SDCCAG8: variants seen among roughly 807,000 people sequenced by gnomAD.
SDCCAG8 encodes SHH signaling and ciliogenesis regulator SDCCAG8, also known as serologically defined colon cancer antigen 8.
SDCCAG8 carries 74 observed loss-of-function variants against 101.8 expected under a neutral mutation model. The observed-to-expected ratio is 0.73, with a 90% CI of 0.60 to 0.88. The LOEUF (loss-of-function observed/expected upper bound fraction) is 0.88, where lower values mean the gene tolerates loss of function less well. Among genes scored for constraint, SDCCAG8 ranks in the 40% least tolerant of loss-of-function variants. The pLI is 0.00. For synonymous variants in SDCCAG8, 281 were observed against 292.9 expected (o/e 0.96, Z 0.41); for missense variants, 787 against 822.6 (o/e 0.96, Z 0.53).
chr1:243,346,409 G>C (rs1414784924), intron 12 of SDCCAG8, among the ~76,000 whole-genome samples: 1 of 152,204 alleles, frequency 6.6e-6, no homozygotes, highest in Non-Finnish European at 1.5e-5. Context: ...CTATCTGTAG[G>C]TTTGCAAACA....
At chr1:243,321,213 A>G (rs1158271276) in intron 9 of SDCCAG8, among the ~76,000 whole-genome samples, 2 of 152,142 alleles carry the variant, frequency 1.3e-5, no homozygotes, top group East Asian at 3.9e-4. Context: ...TATAGCATTT[A>G]TCAAAATGTA....
chr1:243,413,363 G>A (rs1430575159), intron 13 of SDCCAG8, among the ~76,000 whole-genome samples: 2 of 151,984 alleles, frequency 1.3e-5, no homozygotes, highest in Non-Finnish European at 2.9e-5. Context: ...GCACCACCAC[G>A]CCCAGCTAAT....
chr1:243,381,315 C>T (rs1012158993), intron 13 of SDCCAG8, among the ~76,000 whole-genome samples: 22 of 152,064 alleles, frequency 1.4e-4, no homozygotes, highest in Admixed American at 1.1e-3. Flanking sequence ...AGAGGCCAGG[C>T]GCAGTGCTCA....
intron 17 of SDCCAG8, among the ~76,000 whole-genome samples, 172 bp downstream of exon 17, chr1:243,489,312 C>T (rs1285886394): frequency 6.6e-6 from 1 of 152,248 alleles, no homozygotes; most frequent in Non-Finnish European, 1.5e-5. Flanking sequence ...AGAAGCGGAG[C>T]CATGGGCCCG....
intron 12 of SDCCAG8, among the ~76,000 whole-genome samples, chr1:243,375,237 A>C (rs2077532265): frequency 6.6e-6 from 1 of 152,110 alleles, no homozygotes; most frequent in South Asian, 2.1e-4. Context: ...TCTTTTAAAA[A>C]TGTGAAGATA....
In SDCCAG8 at chr1:243,270,159, T is replaced by C. The variant is rs2067972241; in HGVS notation, c.122T>C (p.Val41Ala). ...ACATGTGCCCTGAAAGAAGGCGATG[T>C]CACTATTGGAGAAGATGCACCAAAT... ...QLTCALKEGD[V>A]TIGEDAPNLS... The change falls in exon 2 of 18, where the codon GTC becomes GCC. Residue 41 changes from valine to alanine, a missense_variant. Physicochemically the swap from Val to Ala is moderately conservative, Grantham distance 64 (BLOSUM62 0). Coordinates refer to ENST00000366541, the MANE Select transcript of SDCCAG8 (RefSeq NM_006642.5). The C allele has an allele frequency of 6.2e-7, 1 of 1,614,220 alleles. No individual in the cohort carries two copies. Among genetic ancestry groups the C allele is most frequent in the Admixed American group, 1.7e-5 (1 of 60,030 alleles).
chr1:243,296,781 C>T (rs2070965293), intron 6 of SDCCAG8, among the ~76,000 whole-genome samples: 1 of 151,824 alleles, frequency 6.6e-6, no homozygotes, highest in South Asian at 2.1e-4. Flanking sequence ...GATCCGCCCG[C>T]CTCGGCCTCC....
At chr1:243,279,517 G>C (rs773981586) in intron 4 of SDCCAG8, among the ~76,000 whole-genome samples, 3 of 152,104 alleles carry the variant, frequency 2.0e-5, no homozygotes, top group Non-Finnish European at 4.4e-5. Flanking sequence ...TTGAATTATG[G>C]TTTCTACTGA....
At chr1:243,447,833 A>C (rs2083050996) in intron 16 of SDCCAG8, among the ~76,000 whole-genome samples, 1 of 152,198 alleles carries the variant, frequency 6.6e-6, no homozygotes, top group South Asian at 2.1e-4. Context: ...CTTTACAAAG[A>C]AGGGTAAGGG....
At position 243,489,474 on chromosome 1, in the gene SDCCAG8, T is replaced by C. The variant is rs943205931; in HGVS notation, c.2112+334T>C. 4.0e-4 allele frequency among the ~76,000 whole-genome samples: 61 copies of C among 152,124 alleles called. 1 individual carries two copies. Among genetic ancestry groups the C allele is most frequent in the Admixed American group, 3.9e-3 (60 of 15,276 alleles). On this transcript the variant is annotated intron_variant, in intron 17 of 17. Coordinates refer to ENST00000366541, the MANE Select transcript of SDCCAG8 (RefSeq NM_006642.5). ...ACGGCCGTGGGCGGCAGAACAGGCT[T>C]TTTGGAGGATGGTGGCCTTGAGCTG...
At chr1:243,268,234 A>G (rs2067792204) in intron 1 of SDCCAG8, 1 of 413,312 alleles carries the variant, frequency 2.4e-6, no homozygotes, top group Non-Finnish European at 4.4e-6. Flanking sequence ...TTCAATAAAG[A>G]TAAGTGTTTT....
intron 1 of SDCCAG8, among the ~76,000 whole-genome samples, chr1:243,267,020 G>A (rs543294889): frequency 9.9e-5 from 15 of 151,872 alleles, no homozygotes; most frequent in Admixed American, 5.2e-4. Flanking sequence ...CGAGGCAGGC[G>A]GATCACAAAG....
At chr1:243,478,095 C>T (rs942487121) in intron 16 of SDCCAG8, among the ~76,000 whole-genome samples, 10 of 152,344 alleles carry the variant, frequency 6.6e-5, no homozygotes, top group Admixed American at 2.0e-4. Flanking sequence ...CCTCTTCTCC[C>T]GCCCCCAGGC....
At chr1:243,409,830 C>T (rs2080045792) in intron 13 of SDCCAG8, among the ~76,000 whole-genome samples, 1 of 152,008 alleles carries the variant, frequency 6.6e-6, no homozygotes, top group Admixed American at 6.6e-5. Context: ...TCTTATAATA[C>T]AATGTTAACT....
chr1:243,317,033 T>A, intron 9 of SDCCAG8, 140 bp downstream of exon 9: 1 of 902,732 alleles, frequency 1.1e-6, no homozygotes, highest in South Asian at 1.7e-5. Flanking sequence ...TAATGTTGAC[T>A]TTTCTGAATT....
At chr1:243,406,336 A>G (rs1469079689) in intron 13 of SDCCAG8, among the ~76,000 whole-genome samples, 4 of 152,182 alleles carry the variant, frequency 2.6e-5, no homozygotes, top group Non-Finnish European at 2.9e-5. Flanking sequence ...GCCCCATGCA[A>G]TCACTTAATG....
intron 17 of SDCCAG8, among the ~76,000 whole-genome samples, chr1:243,490,618 G>A (rs141266771): frequency 3.9e-5 from 6 of 152,352 alleles, no homozygotes; most frequent in East Asian, 1.9e-4. Flanking sequence ...CATGGTGCAC[G>A]CCTGGCTTCA....
At chr1:243,326,569 G>T (rs368637593) in intron 9 of SDCCAG8, among the ~76,000 whole-genome samples, 1 of 152,090 alleles carries the variant, frequency 6.6e-6, no homozygotes, top group Non-Finnish European at 1.5e-5. Flanking sequence ...ATAAATTTCT[G>T]GTTAGCAAGG....
chr1:243,493,173 C>T (rs971308127), intron 17 of SDCCAG8, among the ~76,000 whole-genome samples: 4 of 149,074 alleles, frequency 2.7e-5, no homozygotes, highest in East Asian at 4.0e-4. Context: ...GTCGCACTCT[C>T]GCCCTCTTGA....
Sources: gnomAD v4.1 joint callset for allele counts (sites outside exome capture counted in the v4.1 genomes callset) on GRCh38, gnomAD v4.1.1 for gene constraint, MANE v1.5 for transcripts, NCBI Gene and HGNC (gene_info 2026-07-23, HGNC 2026-07-21) for gene names.